LETM1: variants seen among roughly 807,000 people sequenced by gnomAD.
The protein encoded by LETM1 is mitochondrial proton/calcium exchanger protein.
In LETM1, 50 loss-of-function variants were observed where a neutral mutation model predicts 74.5. That is an observed-to-expected ratio of 0.67 (90% confidence interval 0.53 to 0.85). The LOEUF is 0.85. LETM1 is among the 40% of genes least tolerant of loss of function. LETM1 has a pLI of 0.00. For synonymous variants in LETM1, 446 were observed against 407.1 expected (o/e 1.10, Z -1.15); for missense variants, 824 against 967.8 (o/e 0.85, Z 1.97).
In LETM1 at chr4:1,823,661, T is replaced by C. The variant is rs147029830; in HGVS notation, c.1315A>G (p.Thr439Ala). 14 of 1,613,312 alleles carry C rather than the reference T, an allele frequency of 8.7e-6. No individual in the cohort carries two copies. Among genetic ancestry groups the C allele is most frequent in the African/African-American group, 1.3e-5 (1 of 74,708 alleles). ...PADQLKSTLQ[T>A]LPEIVAKEAQ... ...GCACGTACCACAATCTCTGGGAGGG[T>C]CTGCAGTGTGGACTTGAGCTGGTCG... Residue 439 changes from threonine (T) to alanine (A), a missense_variant, in exon 8 of 14, where the codon ACC becomes GCC. Transcript: ENST00000302787.
At chr4:1,825,825 T>C in intron 6 of LETM1, 142 bp from the exon 7 acceptor site, 1 of 955,450 alleles carries the variant, frequency 1.0e-6, no homozygotes, top group Non-Finnish European at 1.6e-6. Flanking sequence ...AGTTCTAGGT[T>C]AGAAGTGACT....
rs1194039221 is a variant in LETM1, at chr4:1,811,948, C to T, written c.*2476G>A. ...TCTAATAAAAACTTGCCCGTAATCC[C>T]AGCACTTTGGGAGGCCGAGGTGAGT... On this transcript the variant is annotated 3_prime_UTR_variant, in exon 14 of 14. Coordinates refer to ENST00000302787, the MANE Select transcript of LETM1 (RefSeq NM_012318.3). 1 of 152,102 alleles carries T rather than the reference C, an allele frequency of 6.6e-6. No individual in the cohort carries two copies. Among genetic ancestry groups the T allele is most frequent in the Non-Finnish European group, 1.5e-5 (1 of 68,056 alleles). 9.4% of individuals were successfully genotyped at this position (152,102 alleles called of 1,614,324 possible).
Position 1,816,792 on chromosome 4 carries a change from C to G in LETM1, c.1866G>C (p.Leu622Phe). 5.0e-6 allele frequency: 8 copies of G among 1,614,248 alleles called. No individual in the cohort carries two copies. Among genetic ancestry groups the G allele is most frequent in the Non-Finnish European group, 6.8e-6 (8 of 1,180,036 alleles). The change falls in exon 12 of 14, where the codon TTG becomes TTC. Residue 622 changes from leucine to phenylalanine, a missense_variant. Coordinates refer to ENST00000302787, the MANE Select transcript of LETM1 (RefSeq NM_012318.3). Reference sequence around the variant, plus strand: ...GCTGGTCCATCTCCAGCTGCGAGATCAAGCCATCGATCTGCCCGATCATTT... The same window carrying G: ...GCTGGTCCATCTCCAGCTGCGAGATGAAGCCATCGATCTGCCCGATCATTT... ...VQQMIGQIDGLISQLEMDQQA... is the reference protein window; with the variant it reads ...VQQMIGQIDGFISQLEMDQQA...
chr4:1,827,913 CG>C (rs1712060002), intron 6 of LETM1, among the ~76,000 whole-genome samples: 1 of 144,218 alleles, frequency 6.9e-6, no homozygotes, highest in Non-Finnish European at 1.5e-5. Flanking sequence ...GCTGGCTGGG[CG>C]GGGGGCTGAC....
chr4:1,821,839 G>A (rs1335240037), intron 10 of LETM1, among the ~76,000 whole-genome samples: 2 of 152,294 alleles, frequency 1.3e-5, no homozygotes, highest in East Asian at 3.9e-4. Context: ...GGGCCACATT[G>A]GCTTCCACAC....
intron 10 of LETM1, among the ~76,000 whole-genome samples, chr4:1,820,443 T>C (rs1412406065): frequency 6.6e-6 from 1 of 152,204 alleles, no homozygotes; most frequent in East Asian, 1.9e-4. Context: ...TCCTTTCTGA[T>C]CTATATGGTT....
chr4:1,817,245 C>CAAAAAA (rs60805612), intron 11 of LETM1, among the ~76,000 whole-genome samples: 4 of 66,082 alleles, frequency 6.1e-5, no homozygotes, highest in South Asian at 6.6e-4. Context: ...ACTCTGTCTC[C>CAAAAAA]AAAAAAAAAA....
rs1712322018 is a variant in LETM1 at position 1,832,774 on chromosome 4, C to T, written c.1050G>A (p.Met350Ile). Residue 350 changes from methionine (M) to isoleucine (I), a missense_variant, in exon 6 of 14, where the codon ATG becomes ATA. Physicochemically the swap from Met to Ile is conservative, Grantham distance 10 (BLOSUM62 1). This residue lies in a region of LETM1 where 269 missense variants were observed against 348.8 expected (regional missense o/e 0.77). Coordinates refer to ENST00000302787, the MANE Select transcript of LETM1 (RefSeq NM_012318.3). The stretch of plus-strand genomic sequence containing the variant: ...CGTCTGCCTTTATGGAGCGCAGCCG[C>T]ATGGTAAGCTGGAAGCGCAGGAAGT... Reference protein sequence around the residue: ...TNNFLRFQLTMRLRSIKADDK... With the variant: ...TNNFLRFQLTIRLRSIKADDK... 6.2e-7 allele frequency: 1 copy of T among 1,614,224 alleles called. No homozygotes were observed. Among genetic ancestry groups the T allele is most frequent in the Admixed American group, 1.7e-5 (1 of 60,024 alleles).
intron 3 of LETM1, 119 bp downstream of exon 3, chr4:1,841,228 C>G (rs532115441): frequency 4.6e-6 from 4 of 873,726 alleles, no homozygotes; most frequent in Admixed American, 5.3e-5. Flanking sequence ...GCCTGTGGTC[C>G]CAGATACTCG....
rs537639471 is a variant in LETM1 at position 1,852,465 on chromosome 4, C to T, written c.83-3256G>A. Among the ~76,000 whole-genome samples the T allele has an allele frequency of 2.0e-5, 3 of 152,260 alleles. No individual in the cohort carries two copies. The East Asian group carries it at 5.8e-4, about 29-fold the overall frequency. ...CTTCATGACTGATTACAGTATTGGCCCACTGGCCATGGGGACTGAACTAAA... is the reference window on the plus strand; with the variant it reads ...CTTCATGACTGATTACAGTATTGGCTCACTGGCCATGGGGACTGAACTAAA... On this transcript the variant is annotated intron_variant, in intron 1 of 13. Transcript: ENST00000302787.
chr4:1,814,364 C>A lies in LETM1; in HGVS notation c.*60G>T, dbSNP rs1386637135. On this transcript the variant is annotated 3_prime_UTR_variant, in exon 14 of 14. Transcript: ENST00000302787. Reference sequence around the variant, plus strand: ...CTGAGAATCACCACAAAGCAATCGCCCTCACGGCCCTTGCCAGGGTGACGG... The same window carrying A: ...CTGAGAATCACCACAAAGCAATCGCACTCACGGCCCTTGCCAGGGTGACGG... 3 of 1,611,060 alleles carry A rather than the reference C, an allele frequency of 1.9e-6. No individual in the cohort carries two copies. The African/African-American group carries it at 4.0e-5, about 22-fold the overall frequency.
At chr4:1,816,398 C>A (rs567715612) in intron 12 of LETM1, among the ~76,000 whole-genome samples, 1 of 152,044 alleles carries the variant, frequency 6.6e-6, no homozygotes, top group Non-Finnish European at 1.5e-5. Flanking sequence ...CATTACTGAG[C>A]GTGGGTGGGG....
Position 1,856,086 on chromosome 4 carries a change from G to A in LETM1, c.-136C>T, listed in dbSNP as rs1361808473. On this transcript the variant is annotated 5_prime_UTR_variant, in exon 1 of 14. Coordinates refer to ENST00000302787, the MANE Select transcript of LETM1 (RefSeq NM_012318.3). Reference sequence around the variant, plus strand: ...GACAGAGGCGGCTGGCCTCGGACGGGAGGCGCTCTCCTCAAGGACCCGGCA... The same window carrying A: ...GACAGAGGCGGCTGGCCTCGGACGGAAGGCGCTCTCCTCAAGGACCCGGCA... 1.1e-5 allele frequency: 5 copies of A among 443,104 alleles called. No homozygotes were observed. Among genetic ancestry groups the A allele is most frequent in the South Asian group, 1.2e-4 (1 of 8,610 alleles). 27.4% of individuals were successfully genotyped at this position (443,104 alleles called of 1,614,324 possible).
intron 6 of LETM1, among the ~76,000 whole-genome samples, chr4:1,826,824 G>C (rs1487959598): frequency 6.6e-6 from 1 of 152,238 alleles, no homozygotes; most frequent in African/African-American, 2.4e-5. Flanking sequence ...TGGTGGTCTG[G>C]AGTCTGTGCA....
At chr4:1,855,267 C>G (rs1290775298) in intron 1 of LETM1, among the ~76,000 whole-genome samples, 1 of 152,232 alleles carries the variant, frequency 6.6e-6, no homozygotes, top group Non-Finnish European at 1.5e-5. Context: ...TGGGCACACC[C>G]TGGGACAGCA....
At position 1,832,724 on chromosome 4, in the gene LETM1, C is replaced by T. The variant is rs373632864; in HGVS notation, c.1080+20G>A. The T allele has an allele frequency of 1.8e-5, 29 of 1,610,296 alleles. No individual in the cohort carries two copies. The highest frequency in any genetic ancestry group is 1.7e-4 in the Middle Eastern group (1 of 6,058). On this transcript the variant is annotated intron_variant, in intron 6 of 13. Coordinates refer to ENST00000302787, the MANE Select transcript of LETM1 (RefSeq NM_012318.3). ...AAGGTAAAACACCAGAGCTGTGGCG[C>T]GGAGTATGGCCAGGCTCACCTTGTC...
At chr4:1,820,535 G>A (rs558360465) in intron 10 of LETM1, among the ~76,000 whole-genome samples, 1 of 152,288 alleles carries the variant, frequency 6.6e-6, no homozygotes, top group Admixed American at 6.5e-5. Context: ...CCTCATCAGC[G>A]TCTCACCACT....
intron 9 of LETM1, 97 bp from the exon 10 acceptor site, chr4:1,822,409 G>C: frequency 1.6e-6 from 2 of 1,277,570 alleles, no homozygotes; most frequent in Non-Finnish European, 1.0e-6. Context: ...GGCCACACTG[G>C]GAGCAGGCCT....
At chr4:1,818,097 A>T (rs1440154044) in intron 11 of LETM1, among the ~76,000 whole-genome samples, 1 of 152,134 alleles carries the variant, frequency 6.6e-6, no homozygotes, top group Non-Finnish European at 1.5e-5. Context: ...GTCTTTTTAA[A>T]TTCCAAGTTG....
Sources: gnomAD v4.1 joint callset for allele counts (sites outside exome capture counted in the v4.1 genomes callset) on GRCh38, gnomAD v4.1.1 for gene constraint, gnomAD v4.1.1 regional missense constraint, MANE v1.5 for transcripts, NCBI Gene and HGNC (gene_info 2026-07-23, HGNC 2026-07-21) for gene names.